The following ELAPOR2 variants were observed in gnomAD, a reference collection of about 807,000 sequenced individuals.
ELAPOR2 encodes endosome/lysosome-associated apoptosis and autophagy regulator family member 2.
Under a neutral mutation model 120.7 loss-of-function variants are expected in ELAPOR2, and 89 were observed. The observed-to-expected ratio is 0.74, with a 90% CI of 0.62 to 0.88. ELAPOR2 has a LOEUF of 0.88. ELAPOR2 is among the 40% of genes least tolerant of loss of function. The pLI, the probability that ELAPOR2 is intolerant of heterozygous loss-of-function variation, is 0.00. For missense variants in ELAPOR2, 1,134 were observed against 1,251.6 expected, an observed-to-expected ratio of 0.91 and a Z score of 1.42; for synonymous variants, 444 against 444.9, an observed-to-expected ratio of 1.00 and a Z score of 0.03.
chr7:87,038,119 A>G (rs1268242711), intron 1 of ELAPOR2, among the ~76,000 whole-genome samples: 2 of 152,076 alleles, frequency 1.3e-5, no homozygotes, highest in Admixed American at 6.6e-5. Context: ...TCTAAAACAC[A>G]CTCTTAGAAC....
intron 18 of ELAPOR2, among the ~76,000 whole-genome samples, chr7:86,907,158 C>T (rs563926377): frequency 6.6e-6 from 1 of 152,036 alleles, no homozygotes; most frequent in Non-Finnish European, 1.5e-5. Flanking sequence ...GTCAGACTTA[C>T]CTTGGTGATT....
At chr7:87,027,000 C>A (rs1209932260) in intron 1 of ELAPOR2, among the ~76,000 whole-genome samples, 3 of 151,964 alleles carry the variant, frequency 2.0e-5, no homozygotes, top group Non-Finnish European at 4.4e-5. Context: ...TTTCTTGGTG[C>A]AACAACAAAA....
intron 1 of ELAPOR2, among the ~76,000 whole-genome samples, chr7:87,043,919 A>C: frequency 6.6e-6 from 1 of 151,918 alleles, no homozygotes; most frequent in East Asian, 1.9e-4. Flanking sequence ...AAGTCTCAGG[A>C]TACAAAATCA....
rs576649322 is a variant in ELAPOR2 at position 86,883,170 on chromosome 7, A to C, written c.3031-2640T>G. On this transcript the variant is annotated intron_variant, in intron 21 of 21. Transcript: ENST00000450689. ...GCAAAGTGTCTTACAATGTCCCATA[A>C]ATGGTAGTGAAATAAATAAAAGAAA... Among the ~76,000 whole-genome samples, 153 of 152,184 alleles carry C rather than the reference A, an allele frequency of 1.0e-3. 3 individuals are homozygous for C. Among genetic ancestry groups the C allele is most frequent in the Admixed American group, 9.1e-3 (139 of 15,268 alleles).
intron 3 of ELAPOR2, among the ~76,000 whole-genome samples, chr7:86,946,773 A>G (rs1221993626): frequency 6.6e-6 from 1 of 152,172 alleles, no homozygotes; most frequent in East Asian, 1.9e-4. Context: ...TTATGCATAA[A>G]CTATTCCAGG....
chr7:87,042,721 A>T, intron 1 of ELAPOR2, among the ~76,000 whole-genome samples: 1 of 152,170 alleles, frequency 6.6e-6, no homozygotes, highest in East Asian at 1.9e-4. Context: ...AAGAGCAAAC[A>T]CATTGAAAAG....
Position 86,987,953 on chromosome 7 carries a change from T to C in ELAPOR2, c.190-22929A>G, listed in dbSNP as rs532915428. 3.1e-3 allele frequency among the ~76,000 whole-genome samples: 472 copies of C among 152,200 alleles called. 1 individual carries two copies. The highest frequency in any genetic ancestry group is 0.011 in the African/African-American group (444 of 41,514). ...CAAAGACTTGGAATCAACCCAAATA[T>C]CCATCAATGATAGACTGGATTAAGA... On this transcript the variant is annotated intron_variant, in intron 1 of 21. Coordinates refer to ENST00000450689, the MANE Select transcript of ELAPOR2 (RefSeq NM_001142749.3).
intron 9 of ELAPOR2, among the ~76,000 whole-genome samples, 176 bp downstream of exon 9, chr7:86,926,560 T>G (rs1229293210): frequency 1.3e-5 from 2 of 152,012 alleles, no homozygotes; most frequent in Non-Finnish European, 2.9e-5. Context: ...ACAACATGGC[T>G]ATATTCAAGC....
chr7:86,975,084 G>C (rs547607798), intron 1 of ELAPOR2, among the ~76,000 whole-genome samples: 8 of 152,326 alleles, frequency 5.3e-5, no homozygotes, highest in African/African-American at 1.9e-4. Context: ...CGAGAGAAAA[G>C]AGAACAAAGA....
chr7:87,036,872 C>T (rs1794605335), intron 1 of ELAPOR2, among the ~76,000 whole-genome samples: 1 of 152,132 alleles, frequency 6.6e-6, no homozygotes, highest in Non-Finnish European at 1.5e-5. Flanking sequence ...TATCCCAAAC[C>T]TCAGCATCAT....
chr7:86,986,211 C>T (rs1366176004), intron 1 of ELAPOR2, among the ~76,000 whole-genome samples: 1 of 121,128 alleles, frequency 8.3e-6, no homozygotes, highest in Non-Finnish European at 1.7e-5. Flanking sequence ...GGGCGGATCA[C>T]GAGGTCAGGA....
chr7:87,049,570 G>C lies in ELAPOR2; in HGVS notation c.189+9755C>G, dbSNP rs959360344. 7.9e-5 allele frequency among the ~76,000 whole-genome samples: 12 copies of C among 151,984 alleles called. No individual in the cohort carries two copies. The South Asian group carries it at 1.0e-3, about 13-fold the overall frequency. On this transcript the variant is annotated intron_variant, in intron 1 of 21. Coordinates refer to ENST00000450689, the MANE Select transcript of ELAPOR2 (RefSeq NM_001142749.3). The stretch of plus-strand genomic sequence containing the variant: ...GTGCTGGGATTACAGGCGCCTGGCC[G>C]GGATTGCAATTTTAAATAGGTAGCC...
chr7:86,904,073 G>T (rs1204574989), intron 18 of ELAPOR2, among the ~76,000 whole-genome samples: 1 of 152,092 alleles, frequency 6.6e-6, no homozygotes, highest in Non-Finnish European at 1.5e-5. Context: ...TTATTCCATC[G>T]TGACTATGCC....
chr7:86,905,395 T>G (rs139744292), intron 18 of ELAPOR2, among the ~76,000 whole-genome samples: 64 of 151,922 alleles, frequency 4.2e-4, no homozygotes, highest in African/African-American at 1.5e-3. Context: ...TGTTCTGATC[T>G]CCGAGCTCCC....
intron 4 of ELAPOR2, among the ~76,000 whole-genome samples, chr7:86,943,294 C>T (rs1312630234): frequency 3.9e-5 from 4 of 102,526 alleles, no homozygotes; most frequent in East Asian, 2.1e-4. Flanking sequence ...TCAGCTTCAT[C>T]ATCATTTAAA....
chr7:86,911,675 C>T (rs1331720132), intron 15 of ELAPOR2: 1 of 458,678 alleles, frequency 2.2e-6, no homozygotes, highest in Non-Finnish European at 4.4e-6. Flanking sequence ...GGACAAGCTT[C>T]CTCTTGAAAG....
At chr7:86,965,439 A>G (rs1010155545) in intron 1 of ELAPOR2, among the ~76,000 whole-genome samples, 1 of 152,238 alleles carries the variant, frequency 6.6e-6, no homozygotes, top group Non-Finnish European at 1.5e-5. Flanking sequence ...AACTACTTCC[A>G]TTGACCTAAT....
intron 1 of ELAPOR2, among the ~76,000 whole-genome samples, chr7:87,026,465 A>G (rs1221120957): frequency 6.6e-6 from 1 of 151,428 alleles, no homozygotes; most frequent in African/African-American, 2.4e-5. Flanking sequence ...AAAAAAAAAG[A>G]CTCTCTCAAG....
intron 2 of ELAPOR2, among the ~76,000 whole-genome samples, chr7:86,960,877 G>GA (rs200559321): frequency 2.7e-5 from 4 of 149,906 alleles, no homozygotes; most frequent in East Asian, 1.9e-4. Context: ...ATAGATTTGA[G>GA]AAAAAAAAAG....
Sources: allele counts gnomAD v4.1 joint callset (sites outside exome capture counted in the v4.1 genomes callset), GRCh38; gene constraint gnomAD v4.1.1; transcripts MANE v1.5; gene names NCBI Gene and HGNC (gene_info 2026-07-23, HGNC 2026-07-21).